Variants in ZNF469 observed in about 807,000 individuals in gnomAD.
The protein encoded by ZNF469 is zinc finger protein 469.
Under a neutral mutation model 1.0 loss-of-function variants are expected in ZNF469, and 1 was observed. That is an observed-to-expected ratio of 1.00 (90% CI 0.35 to 4.73). The LOEUF is 4.73. Among genes scored for constraint, ZNF469 ranks in the 30% most tolerant of loss-of-function variants. The pLI is 0.16. For missense variants in ZNF469, 6,100 were observed against 5,356.3 expected, an observed-to-expected ratio of 1.14 and a Z score of -4.33; for synonymous variants, 2,703 against 2,363.4, an observed-to-expected ratio of 1.14 and a Z score of -4.17.
At chr16:88,334,371 G>A in the ZNF469 span, among the ~76,000 whole-genome samples, 1 of 152,176 alleles carries the variant, frequency 6.6e-6, no homozygotes, top group Non-Finnish European at 1.5e-5. Context: ...TTTGATTTTT[G>A]TCACATTTGG....
At chr16:88,194,699 T>A in the ZNF469 span, 1 of 152,264 alleles carries the variant, frequency 6.6e-6, no homozygotes. Context: ...GATCCACTGG[T>A]TTGTCAACAT....
At chr16:88,381,716 C>G (rs949241806), upstream of ZNF469, among the ~76,000 whole-genome samples, 12 of 152,278 alleles carry the variant, frequency 7.9e-5, no homozygotes, top group African/African-American at 2.9e-4. Flanking sequence ...GCCCCTGCCC[C>G]TTTTTCAATT....
At chr16:88,340,163 A>T in the ZNF469 span, among the ~76,000 whole-genome samples, 2 of 152,162 alleles carry the variant, frequency 1.3e-5, no homozygotes, top group Admixed American at 1.3e-4. Context: ...GCCGGCACAG[A>T]GGTGCCTCCC....
the ZNF469 span, among the ~76,000 whole-genome samples, chr16:88,175,854 C>T: frequency 3.3e-5 from 5 of 152,224 alleles, no homozygotes; most frequent in African/African-American, 1.2e-4. Context: ...AAAACAGAAA[C>T]AGAGGAAATC....
At chr16:88,275,292 C>T in the ZNF469 span, among the ~76,000 whole-genome samples, 1 of 152,166 alleles carries the variant, frequency 6.6e-6, no homozygotes, top group Admixed American at 6.5e-5. Context: ...AGCACAGCCA[C>T]CATGCAAAGA....
At chr16:88,325,263 C>CGCGACAGCAGCTGTGA in the ZNF469 span, among the ~76,000 whole-genome samples, 23 of 151,678 alleles carry the variant, frequency 1.5e-4, no homozygotes, top group South Asian at 4.2e-4. Context: ...TCCAGGTGGT[C>CGCGACAGCAGCTGTGA]CCTACAGGCT....
chr16:88,400,287 G>T (rs562273470), intron 1 of ZNF469, among the ~76,000 whole-genome samples: 1 of 152,314 alleles, frequency 6.6e-6, no homozygotes, highest in Admixed American at 6.5e-5. Flanking sequence ...GTGTCCTGTG[G>T]CCCCACCTGC....
the ZNF469 span, among the ~76,000 whole-genome samples, chr16:88,165,503 G>A: frequency 1.3e-5 from 2 of 152,196 alleles, no homozygotes; most frequent in African/African-American, 4.8e-5. Flanking sequence ...GCCTTCCTCA[G>A]CCTCTGGGCT....
chr16:88,376,046 T>G, the ZNF469 span, among the ~76,000 whole-genome samples: 2 of 152,212 alleles, frequency 1.3e-5, no homozygotes, highest in Non-Finnish European at 2.9e-5. Flanking sequence ...AAAACCCGCG[T>G]ACACTGAGGG....
the ZNF469 span, among the ~76,000 whole-genome samples, chr16:88,243,908 A>G: frequency 1.3e-4 from 11 of 83,416 alleles, no homozygotes; most frequent in African/African-American, 5.4e-4. Flanking sequence ...GGCTGGCTGG[A>G]TGCATATATA....
chr16:88,380,568 C>T (rs1316404079), upstream of ZNF469, among the ~76,000 whole-genome samples: 16 of 146,534 alleles, frequency 1.1e-4, no homozygotes, highest in East Asian at 8.2e-4. Flanking sequence ...CACACACAGA[C>T]GCCCTCACAC....
intron 1 of ZNF469, among the ~76,000 whole-genome samples, chr16:88,402,380 C>T (rs1417621408): frequency 6.6e-6 from 1 of 152,150 alleles, no homozygotes; most frequent in African/African-American, 2.4e-5. Flanking sequence ...GCTAAGGATG[C>T]TGAGTGCTGT....
chr16:88,315,401 C>G, the ZNF469 span, among the ~76,000 whole-genome samples: 1 of 152,242 alleles, frequency 6.6e-6, no homozygotes. Flanking sequence ...TCTTCTCCAT[C>G]GCTGCCAGGC....
chr16:88,305,488 TCA>T, the ZNF469 span, among the ~76,000 whole-genome samples: 14 of 93,500 alleles, frequency 1.5e-4, no homozygotes, highest in African/African-American at 4.8e-4. Context: ...GCACACATGG[TCA>T]CAGGCACACA....
chr16:88,414,691 A>T (rs1437718764), intron 1 of ZNF469, among the ~76,000 whole-genome samples: 4 of 152,236 alleles, frequency 2.6e-5, no homozygotes, highest in African/African-American at 9.6e-5. Flanking sequence ...AACAGGCCGA[A>T]CCCAGAAGGA....
intron 1 of ZNF469, among the ~76,000 whole-genome samples, chr16:88,393,920 G>A (rs1009825699): frequency 6.6e-6 from 1 of 152,248 alleles, no homozygotes; most frequent in Non-Finnish European, 1.5e-5. Flanking sequence ...TGGGGCCTCA[G>A]GAAGGAGGGG....
Position 88,429,808 on chromosome 16 carries a change from C to A in ZNF469, c.2338C>A (p.Pro780Thr). 6.5e-7 allele frequency: 1 copy of A among 1,545,952 alleles called. No individual in the cohort carries two copies. Among genetic ancestry groups the A allele is most frequent in the Non-Finnish European group, 8.7e-7 (1 of 1,144,410 alleles). Reference sequence around the variant, plus strand: ...TGGGCTCCCCTCGCCCCCCGCTGCCCCCAGAGTCCCTGCCGACGCACACGC... The same window carrying A: ...TGGGCTCCCCTCGCCCCCCGCTGCCACCAGAGTCCCTGCCGACGCACACGC... ...PPGLPSPPAA[P>T]RVPADAHAGL... is the part of the protein sequence containing the mutation. Residue 780 changes from proline to threonine, a missense_variant, in exon 3 of 3, where the codon CCC becomes ACC. Transcript: ENST00000565624.
the ZNF469 span, among the ~76,000 whole-genome samples, chr16:88,347,238 T>G: frequency 6.6e-6 from 1 of 152,078 alleles, no homozygotes; most frequent in East Asian, 1.9e-4. Context: ...AGATCCCATG[T>G]TTTGGCTACA....
chr16:88,133,554 C>A, the ZNF469 span, among the ~76,000 whole-genome samples: 1 of 151,942 alleles, frequency 6.6e-6, no homozygotes, highest in Non-Finnish European at 1.5e-5. Flanking sequence ...TAAATAAAAC[C>A]AACAGATTTA....
Sources: allele counts gnomAD v4.1 joint callset (sites outside exome capture counted in the v4.1 genomes callset), GRCh38; gene constraint gnomAD v4.1.1; transcripts MANE v1.5; gene names NCBI Gene and HGNC (gene_info 2026-07-23, HGNC 2026-07-21).